MACROD2: variants seen among roughly 807,000 people sequenced by gnomAD.
MACROD2 encodes mono-ADP ribosylhydrolase 2.
A neutral mutation model predicts 70.4 loss-of-function variants in MACROD2; 36 were observed. That is an observed-to-expected ratio of 0.51 (90% CI 0.39 to 0.68). The LOEUF (loss-of-function observed/expected upper bound fraction) is 0.68. Among genes scored for constraint, MACROD2 ranks in the 30% least tolerant of loss-of-function variants. MACROD2 has a pLI of 0.00. For missense variants in MACROD2, 496 were observed against 538.4 expected, an observed-to-expected ratio of 0.92 and a Z score of 0.78; for synonymous variants, 172 against 178.8, an observed-to-expected ratio of 0.96 and a Z score of 0.30.
At position 13,995,748 on chromosome 20, in the gene MACROD2, C is replaced by T. The variant is rs1278271200; in HGVS notation, c.-16C>T. 5 of 1,612,380 alleles carry T rather than the reference C, an allele frequency of 3.1e-6. No homozygotes were observed. Among genetic ancestry groups the T allele is most frequent in the Non-Finnish European group, 2.5e-6 (3 of 1,179,162 alleles). ...TGGGGAACTTGCAGCTTAAAGCCAG[C>T]CACCCCCACGGCAACATGTACCCCA... On this transcript the variant is annotated 5_prime_UTR_variant, in exon 1 of 18. Coordinates refer to ENST00000684519, the MANE Select transcript of MACROD2 (RefSeq NM_001351661.2). The surrounding 1 kb of genome is among the most constrained non-coding windows in gnomAD (Gnocchi z 4.3).
intron 8 of MACROD2, among the ~76,000 whole-genome samples, chr20:15,585,342 A>G (rs1269448440): frequency 6.6e-6 from 1 of 151,890 alleles, no homozygotes; most frequent in Non-Finnish European, 1.5e-5. Context: ...GATTACAGGC[A>G]TGCAGCATTG....
intron 4 of MACROD2, among the ~76,000 whole-genome samples, chr20:14,599,197 G>GGAAA (rs762715206): frequency 6.6e-6 from 1 of 152,140 alleles, no homozygotes; most frequent in East Asian, 1.9e-4. Flanking sequence ...AGAAGGTGGA[G>GGAAA]GAAAGGATGT....
intron 5 of MACROD2, chr20:14,850,531 A>C (rs2073188980): frequency 6.6e-6 from 1 of 152,494 alleles, no homozygotes; most frequent in Non-Finnish European, 1.5e-5. Context: ...CTTCAACTAG[A>C]GTGTTTAATT....
At chr20:14,695,536 C>T (rs550403352) in intron 5 of MACROD2, among the ~76,000 whole-genome samples, 21 of 152,310 alleles carry the variant, frequency 1.4e-4, no homozygotes, top group African/African-American at 5.1e-4. Context: ...ACTACATACT[C>T]TCTCTGAGCA....
intron 15 of MACROD2, among the ~76,000 whole-genome samples, chr20:16,028,287 T>C (rs2067107241): frequency 6.6e-6 from 1 of 152,172 alleles, no homozygotes; most frequent in South Asian, 2.1e-4. Flanking sequence ...GATGACTTTC[T>C]CTCTGCGTTG....
intron 8 of MACROD2, among the ~76,000 whole-genome samples, chr20:15,800,552 G>A (rs2063714814): frequency 1.3e-5 from 2 of 152,110 alleles, no homozygotes; most frequent in Admixed American, 1.3e-4. Context: ...TTTCCCCAAT[G>A]TATGTTCTTA....
chr20:14,639,843 G>A (rs1340551176), intron 4 of MACROD2, among the ~76,000 whole-genome samples: 1 of 152,168 alleles, frequency 6.6e-6, no homozygotes, highest in Non-Finnish European at 1.5e-5. Context: ...TATAGCTTGA[G>A]TAAGTCTAAT....
chr20:14,101,621 G>T (rs562085649), intron 3 of MACROD2, among the ~76,000 whole-genome samples: 1 of 151,982 alleles, frequency 6.6e-6, no homozygotes, highest in Non-Finnish European at 1.5e-5. Flanking sequence ...TGGTTATTTT[G>T]TGTTTATAAG....
chr20:14,538,877 G>A (rs1008491309), intron 4 of MACROD2, among the ~76,000 whole-genome samples: 1 of 152,130 alleles, frequency 6.6e-6, no homozygotes, highest in Non-Finnish European at 1.5e-5. Context: ...GAGCCTACAT[G>A]TTTATTATCT....
At chr20:15,292,295 A>T (rs6131658) in intron 6 of MACROD2, among the ~76,000 whole-genome samples, 19,218 of 152,000 alleles carry the variant, frequency 0.13, 1,464 homozygotes, top group East Asian at 0.19. Flanking sequence ...TCTAATCTAT[A>T]AAAAAAAGGG....
chr20:15,337,578 G>T (rs1568731300), intron 6 of MACROD2, among the ~76,000 whole-genome samples: 1 of 151,768 alleles, frequency 6.6e-6, no homozygotes, highest in East Asian at 1.9e-4. Flanking sequence ...TCAAGCTAAG[G>T]AATGCATACA....
At chr20:15,917,264 A>G (rs1348037171) in intron 10 of MACROD2, among the ~76,000 whole-genome samples, 2 of 152,188 alleles carry the variant, frequency 1.3e-5, no homozygotes, top group African/African-American at 2.4e-5. Context: ...TACATTTTAC[A>G]TAGGATTTCT....
intron 5 of MACROD2, among the ~76,000 whole-genome samples, chr20:14,727,616 T>C (rs1277214146): frequency 6.6e-6 from 1 of 152,184 alleles, no homozygotes; most frequent in Non-Finnish European, 1.5e-5. Context: ...CAACTGTCTC[T>C]TCAGTCTCAT....
intron 3 of MACROD2, among the ~76,000 whole-genome samples, chr20:14,236,406 T>C (rs184066914): frequency 6.6e-5 from 10 of 152,156 alleles, no homozygotes; most frequent in African/African-American, 2.4e-4. Flanking sequence ...TAGTGTTGCT[T>C]AGAAGACAAA....
intron 6 of MACROD2, among the ~76,000 whole-genome samples, chr20:15,312,819 TTATATGTGTGTGTA>T (rs1389092659): frequency 3.9e-5 from 6 of 152,184 alleles, no homozygotes; most frequent in South Asian, 4.1e-4. Flanking sequence ...CTGTATTCCA[TTATATGTGTGTGTA>T]TATATGTGTG....
At chr20:14,992,782 G>A (rs1314924400) in intron 5 of MACROD2, among the ~76,000 whole-genome samples, 2 of 152,120 alleles carry the variant, frequency 1.3e-5, no homozygotes, top group Non-Finnish European at 2.9e-5. Context: ...ATATTGTGAA[G>A]TTCCTTTCTT....
chr20:14,393,233 T>C (rs1328094212), intron 3 of MACROD2, among the ~76,000 whole-genome samples: 1 of 152,174 alleles, frequency 6.6e-6, no homozygotes, highest in Non-Finnish European at 1.5e-5. Context: ...TTAGAAAACT[T>C]CTGAATGAGC....
chr20:15,339,921 T>A (rs1440469862), intron 6 of MACROD2, among the ~76,000 whole-genome samples: 1 of 151,650 alleles, frequency 6.6e-6, no homozygotes, highest in Non-Finnish European at 1.5e-5. Context: ...AGTGAGTGGA[T>A]TATTGACCAA....
At chr20:15,601,798 G>A (rs1473108236) in intron 8 of MACROD2, among the ~76,000 whole-genome samples, 2 of 152,194 alleles carry the variant, frequency 1.3e-5, no homozygotes, top group Non-Finnish European at 2.9e-5. Flanking sequence ...GGAGGCCGAG[G>A]CGGGTGGATC....
Sources: allele counts gnomAD v4.1 joint callset (sites outside exome capture counted in the v4.1 genomes callset), GRCh38; gene constraint gnomAD v4.1.1; non-coding constraint Gnocchi (gnomAD v3.1); transcripts MANE v1.5; gene names NCBI Gene and HGNC (gene_info 2026-07-23, HGNC 2026-07-21).